NPC1L1: variants seen among roughly 807,000 people sequenced by gnomAD.
The protein encoded by NPC1L1 is NPC1-like intracellular cholesterol transporter 1.
In NPC1L1, 98 loss-of-function variants were observed where a neutral mutation model predicts 117.0. The observed-to-expected ratio is 0.84, with a 90% CI of 0.71 to 0.99. The LOEUF is 0.99. Among genes scored for constraint, NPC1L1 ranks in the 50% least tolerant of loss-of-function variants. The probability of loss-of-function intolerance (pLI) is 0.00; values close to 1 mark genes in which losing one functional copy is unlikely to be tolerated. For synonymous variants in NPC1L1, 729 were observed against 727.6 expected (o/e 1.00, Z -0.03); for missense variants, 1,540 against 1,710.0 (o/e 0.90, Z 1.75).
At position 44,540,092 on chromosome 7, in the gene NPC1L1, C is replaced by A. The variant is rs1301221492; in HGVS notation, c.305G>T (p.Ser102Ile). The change falls in exon 2 of 19, where the codon AGT (serine) becomes ATT (isoleucine). Residue 102 changes from serine (S) to isoleucine (I), a missense_variant. Around this residue, in one of 3 missense-constraint regions of NPC1L1, gnomAD observed 793 missense variants for 820.4 expected, o/e 0.97. Transcript: ENST00000381160. Reference sequence around the variant, plus strand: ...GAGGAGGGCCTTGGTGATCGACAGACTCGCTTCCAGTGATACCAGCTGCTT... The same window carrying A: ...GAGGAGGGCCTTGGTGATCGACAGAATCGCTTCCAGTGATACCAGCTGCTT... ...SAKQLVSLEA[S>I]LSITKALLTR... 1.9e-6 allele frequency: 3 copies of A among 1,614,060 alleles called. No homozygotes were observed. Among genetic ancestry groups the A allele is most frequent in the South Asian group, 1.1e-5 (1 of 91,090 alleles).
chr7:44,534,303 C>A lies in NPC1L1; in HGVS notation c.2166+144G>T. 4.9e-6 allele frequency: 4 copies of A among 820,246 alleles called. No homozygotes were observed. The highest frequency in any genetic ancestry group is 6.4e-6 in the Non-Finnish European group (3 of 471,330). The allele number at this position is 820,246 out of a possible 1,614,324, so 50.8% of individuals were successfully genotyped here. ...TTATGTCAACACACTCTAGTTTCTA[C>A]AGATATTGTAAACATGCGTGTCGAT... On this transcript the variant is annotated intron_variant, in intron 6 of 18. Coordinates refer to ENST00000381160, the MANE Select transcript of NPC1L1 (RefSeq NM_001101648.2). The surrounding 1 kb of genome is among the most constrained non-coding windows in gnomAD (Gnocchi z 5.2).
In NPC1L1 at chr7:44,536,115, G is replaced by C. The variant is rs1801880925; in HGVS notation, c.1854+141C>G. 1 of 1,532,650 alleles carries C rather than the reference G, an allele frequency of 6.5e-7. No individual in the cohort carries two copies. The highest frequency in any genetic ancestry group is 9.0e-7 in the Non-Finnish European group (1 of 1,110,076). The allele number at this position is 1,532,650 out of a possible 1,614,324, so 94.9% of individuals were successfully genotyped here. A position where few individuals can be genotyped will look rare whatever the true frequency, so the allele number is the denominator to read the frequency against. The stretch of plus-strand genomic sequence containing the variant: ...AATCGCAGGTGAGGCTATAAGAACA[G>C]CCATCACAATCACCCCGTTCTGAGC... On this transcript the variant is annotated intron_variant, in intron 4 of 18. Coordinates refer to ENST00000381160, the MANE Select transcript of NPC1L1 (RefSeq NM_001101648.2). The surrounding 1 kb of genome is among the most constrained non-coding windows in gnomAD (Gnocchi z 4.7).
intron 14 of NPC1L1, among the ~76,000 whole-genome samples, chr7:44,520,172 C>T (rs1241952619): frequency 3.3e-5 from 5 of 152,040 alleles, no homozygotes; most frequent in Non-Finnish European, 7.4e-5. Flanking sequence ...CCCAGCTACT[C>T]AGGAGGCTGA....
At chr7:44,515,291 T>C (rs217431) in intron 18 of NPC1L1, among the ~76,000 whole-genome samples, 28,530 of 151,940 alleles carry the variant, frequency 0.19, 2,989 homozygotes, top group Non-Finnish European at 0.23. Flanking sequence ...GAAGTCAAGG[T>C]GGCAGTGAGC....
At position 44,521,040 on chromosome 7, in the gene NPC1L1, T is replaced by C. The variant is rs1801337775; in HGVS notation, c.3032A>G (p.Tyr1011Cys). The C allele has an allele frequency of 6.2e-7, 1 of 1,614,134 alleles. No individual in the cohort carries two copies. Among genetic ancestry groups the C allele is most frequent in the Non-Finnish European group, 8.5e-7 (1 of 1,180,020 alleles). Reference protein sequence around the residue: ...VRPSVEQFHKYLPWFLNDRPN... With the variant: ...VRPSVEQFHKCLPWFLNDRPN... ...CCGGTCGTTCAGGAACCAGGGAAGA[T>C]ACTTATGGAACTGCTCCACCGAGGG... The change falls in exon 13 of 19, where the codon TAT becomes TGT. Residue 1011 changes from tyrosine (Y) to cysteine (C), a missense_variant. Physicochemically the swap from Tyr to Cys is radical, Grantham distance 194. This residue lies in a region of NPC1L1 where 742 missense variants were observed against 873.6 expected (regional missense o/e 0.85). Transcript: ENST00000381160.
At chr7:44,530,405 T>A (rs144250917) in intron 10 of NPC1L1, among the ~76,000 whole-genome samples, 68 of 152,262 alleles carry the variant, frequency 4.5e-4, no homozygotes, top group African/African-American at 1.6e-3. Context: ...GGGGAGTCAC[T>A]GTTTGTTGGG....
intron 5 of NPC1L1, 127 bp downstream of exon 5, chr7:44,535,713 G>A: frequency 7.7e-7 from 1 of 1,301,530 alleles, no homozygotes; most frequent in Non-Finnish European, 1.1e-6. Flanking sequence ...TACCCTTTGG[G>A]GCAGCCACTT....
At position 44,517,307 on chromosome 7, in the gene NPC1L1, T is replaced by G. The variant is rs757717501; in HGVS notation, c.3187A>C (p.Thr1063Pro). The G allele has an allele frequency of 6.2e-7, 1 of 1,614,048 alleles. No individual in the cohort carries two copies. The highest frequency in any genetic ancestry group is 8.5e-7 in the Non-Finnish European group (1 of 1,180,028). The part of the protein sequence containing the change: ...HKPLKNSQDY[T>P]EALRAARELA... ...TCTCGAGCTGCCCGCAGAGCTTCTG[T>G]GTAATCCTGTGAGTTTTTCAGGGGC... The change falls in exon 15 of 19, where the codon ACA (threonine) becomes CCA (proline). Residue 1063 changes from threonine (T) to proline (P), a missense_variant. Physicochemically the swap from Thr to Pro is conservative, Grantham distance 38. This residue lies in a region of NPC1L1 where 742 missense variants were observed against 873.6 expected (regional missense o/e 0.85). Coordinates refer to ENST00000381160, the MANE Select transcript of NPC1L1 (RefSeq NM_001101648.2).
In NPC1L1 at chr7:44,540,288, C is replaced by T; in HGVS notation, c.109G>A (p.Asp37Asn). The T allele has an allele frequency of 6.2e-7, 1 of 1,613,938 alleles. No individual in the cohort carries two copies. The highest frequency in any genetic ancestry group is 8.5e-7 in the Non-Finnish European group (1 of 1,180,018). The change falls in exon 2 of 19, where the codon GAC becomes AAC. Residue 37 changes from aspartate to asparagine, a missense_variant. Transcript: ENST00000381160. ...AGCTCTGGGTTCTTCCCACATTCGTCATAGAAGGCGCAGTAGCCAGGCTGG... is the reference window on the plus strand; with the variant it reads ...AGCTCTGGGTTCTTCCCACATTCGTTATAGAAGGCGCAGTAGCCAGGCTGG... ...IHQPGYCAFY[D>N]ECGKNPELSG...
chr7:44,536,391 C>A lies in NPC1L1; in HGVS notation c.1719G>T (p.Thr573=). 1 of 1,613,976 alleles carries A rather than the reference C, an allele frequency of 6.2e-7. No individual in the cohort carries two copies. The highest frequency in any genetic ancestry group is 1.3e-5 in the African/African-American group (1 of 75,040). Reference sequence around the variant, plus strand: ...CGGCAGGGTAATTGTTGAGGGAGAACGTCATGATCAGGGCCTCTGCCTCAG... The same window carrying A: ...CGGCAGGGTAATTGTTGAGGGAGAAAGTCATGATCAGGGCCTCTGCCTCAG... ...DYSEAEALIM[T]FSLNNYPAGD... is the part of the protein sequence containing the mutation. The change falls in exon 4 of 19, where the codon ACG becomes ACT. Residue 573 remains threonine, a synonymous_variant. Coordinates refer to ENST00000381160, the MANE Select transcript of NPC1L1 (RefSeq NM_001101648.2). The surrounding 1 kb of genome is among the most constrained non-coding windows in gnomAD (Gnocchi z 4.7).
At position 44,538,194 on chromosome 7, in the gene NPC1L1, T is replaced by C. The variant is rs1316438067; in HGVS notation, c.1580+623A>G. On this transcript the variant is annotated intron_variant, in intron 2 of 18. Coordinates refer to ENST00000381160, the MANE Select transcript of NPC1L1 (RefSeq NM_001101648.2). The surrounding 1 kb of genome is among the most constrained non-coding windows in gnomAD (Gnocchi z 5.9). ...CAAGGAGCCTCCACTGCCAAGGCCC[T>C]GCTGCTGCCCTTGGCTCTTGGCCCC... Among the ~76,000 whole-genome samples, 2 of 152,258 alleles carry C rather than the reference T, an allele frequency of 1.3e-5. No individual in the cohort carries two copies. Among genetic ancestry groups the C allele is most frequent in the Non-Finnish European group, 2.9e-5 (2 of 68,042 alleles).
In NPC1L1 at chr7:44,522,202, T is replaced by C. The variant is rs116277076; in HGVS notation, c.2678A>G (p.Tyr893Cys). The C allele has an allele frequency of 1.2e-6, 2 of 1,613,610 alleles. No individual in the cohort carries two copies. The highest frequency in any genetic ancestry group is 4.5e-5 in the East Asian group (2 of 44,860). The change falls in exon 11 of 19, where the codon TAC becomes TGC. Residue 893 changes from tyrosine to cysteine, a missense_variant. By Grantham distance (194) the Tyr-to-Cys change is radical (BLOSUM62 -2). Coordinates refer to ENST00000381160, the MANE Select transcript of NPC1L1 (RefSeq NM_001101648.2). ...LLDYFLFLNR[Y>C]FEVGAPVYFV... ...GTACACCGGGGCCCCCACCTCGAAG[T>C]AGCGGTTCAGAAAGAGGAAATAGTC... is the stretch of plus-strand genomic sequence containing the variant.
rs1411903142 is a variant in NPC1L1, at chr7:44,533,419, A to G, written c.2409+12T>C. Reference sequence around the variant, plus strand: ...GGGGCAGGTCCCTCAGTACTGGCCCAGCTGCCCCTACCTCCTGCCTCTTGC... The same window carrying G: ...GGGGCAGGTCCCTCAGTACTGGCCCGGCTGCCCCTACCTCCTGCCTCTTGC... On this transcript the variant is annotated intron_variant, in intron 8 of 18. Coordinates refer to ENST00000381160, the MANE Select transcript of NPC1L1 (RefSeq NM_001101648.2). 1 of 1,613,538 alleles carries G rather than the reference A, an allele frequency of 6.2e-7. No individual in the cohort carries two copies. The highest frequency in any genetic ancestry group is 1.1e-5 in the South Asian group (1 of 90,954).
rs1802092179 is a variant in NPC1L1, at chr7:44,541,190, A to G, written c.54+16T>C. ...TGGAGGCCGCAGGGGAGGTGGAGCC[A>G]AGCCCTGGGACTCACCAAGCGCAGG... On this transcript the variant is annotated intron_variant, in intron 1 of 18. Coordinates refer to ENST00000381160, the MANE Select transcript of NPC1L1 (RefSeq NM_001101648.2). 9 of 1,549,358 alleles carry G rather than the reference A, an allele frequency of 5.8e-6. 1 individual carries two copies. In the Middle Eastern group the frequency reaches 9.4e-4, roughly 161 times the overall value.
At chr7:44,529,223 C>A (rs965438741) in intron 10 of NPC1L1, among the ~76,000 whole-genome samples, 1 of 151,116 alleles carries the variant, frequency 6.6e-6, no homozygotes, top group African/African-American at 2.4e-5. Flanking sequence ...TGCTAAAAAA[C>A]AGCAAAACGT....
Position 44,541,273 on chromosome 7 carries a change from AG to A in NPC1L1, c.-15del. ...GGCCTCCGCCATCCCAGGTCTGGGA[AG>A]GGGTCAGCGGGGAGCCAGGCCAGGC... On this transcript the variant is annotated 5_prime_UTR_variant, in exon 1 of 19. Transcript: ENST00000381160. 1 of 1,549,486 alleles carries A rather than the reference AG, an allele frequency of 6.5e-7. No homozygotes were observed. Among genetic ancestry groups the A allele is most frequent in the Non-Finnish European group, 8.7e-7 (1 of 1,146,602 alleles).
In NPC1L1 at chr7:44,516,941, G is replaced by T; in HGVS notation, c.3288-7C>A. 1 of 1,610,228 alleles carries T rather than the reference G, an allele frequency of 6.2e-7. No homozygotes were observed. The highest frequency in any genetic ancestry group is 1.1e-5 in the South Asian group (1 of 90,608). On this transcript the variant is annotated splice_polypyrimidine_tract_variant and splice_region_variant and intron_variant, in intron 15 of 18. Transcript: ENST00000381160. The stretch of plus-strand genomic sequence containing the variant: ...ATAAAACACATTGGTGATCCTGCCA[G>T]AGCACAGAGCATGGTCACAGGCTCA...
intron 8 of NPC1L1, 115 bp downstream of exon 8, chr7:44,533,316 C>A: frequency 8.6e-6 from 11 of 1,273,854 alleles, no homozygotes; most frequent in Non-Finnish European, 1.2e-5. Flanking sequence ...GGCACAATGC[C>A]CCTGTCCCCC....
At chr7:44,517,436 G>A (rs17711952) in intron 14 of NPC1L1, 79 bp from the exon 15 acceptor site, 54,348 of 1,536,848 alleles carry the variant, frequency 0.035, 1,192 homozygotes, top group African/African-American at 0.082. Context: ...CACCGCAGAC[G>A]CAGTGGCACA....
Sources: gnomAD v4.1 joint callset for allele counts (sites outside exome capture counted in the v4.1 genomes callset) on GRCh38, gnomAD v4.1.1 for gene constraint, gnomAD v4.1.1 regional missense constraint, Gnocchi (gnomAD v3.1) non-coding constraint, MANE v1.5 for transcripts, NCBI Gene and HGNC (gene_info 2026-07-23, HGNC 2026-07-21) for gene names.